The following SNTG1 variants were observed in gnomAD, a reference collection of about 807,000 sequenced individuals.
SNTG1 encodes the protein gamma-1-syntrophin.
In SNTG1, 39 loss-of-function variants were observed where a neutral mutation model predicts 74.7. The ratio of observed to expected loss-of-function variants is 0.52; its 90% CI spans 0.40 to 0.68. The LOEUF (loss-of-function observed/expected upper bound fraction) is 0.68. SNTG1 is among the 30% of genes least tolerant of loss of function. SNTG1 has a pLI of 0.00. For missense variants in SNTG1, 685 were observed against 609.5 expected (o/e 1.12, Z -1.30); for synonymous variants, 254 against 217.1 (o/e 1.17, Z -1.49).
At chr8:50,053,659 A>G (rs868721436) in intron 1 of SNTG1, among the ~76,000 whole-genome samples, 18 of 37,968 alleles carry the variant, frequency 4.7e-4, no homozygotes, top group Middle Eastern at 8.2e-3. Context: ...GTGTGTGTGT[A>G]TAATCCAGGA....
At chr8:50,203,606 A>T (rs1450128) in intron 2 of SNTG1, among the ~76,000 whole-genome samples, 20,205 of 151,998 alleles carry the variant, frequency 0.13, 4,393 homozygotes, top group African/African-American at 0.46. Context: ...CAGAAAACCA[A>T]GCGAAAAAAA....
At chr8:50,676,650 C>T (rs1255873086) in intron 15 of SNTG1, among the ~76,000 whole-genome samples, 4 of 151,810 alleles carry the variant, frequency 2.6e-5, no homozygotes, top group African/African-American at 9.7e-5. Context: ...TATTATCTTT[C>T]TCACACTATT....
At chr8:50,290,466 C>A (rs7015073) in intron 2 of SNTG1, among the ~76,000 whole-genome samples, 89,997 of 151,988 alleles carry the variant, frequency 0.59, 29,314 homozygotes, top group East Asian at 0.85. Context: ...AGGCCTTTGC[C>A]GGGAAACATC....
intron 2 of SNTG1, among the ~76,000 whole-genome samples, chr8:50,377,903 G>A (rs1246090586): frequency 6.6e-6 from 1 of 152,188 alleles, no homozygotes; most frequent in African/African-American, 2.4e-5. Context: ...AGGTATAACT[G>A]GTCAAAACTG....
At chr8:50,060,809 G>A (rs1296351328) in intron 1 of SNTG1, among the ~76,000 whole-genome samples, 1 of 151,874 alleles carries the variant, frequency 6.6e-6, no homozygotes, top group Non-Finnish European at 1.5e-5. Flanking sequence ...TTTTATGTCA[G>A]TTTATCTGAT....
chr8:49,930,222 G>A lies in SNTG1; in HGVS notation c.-103+17991G>A, dbSNP rs575560184. On this transcript the variant is annotated intron_variant, in intron 1 of 18. Transcript: ENST00000642720. ...TAAAACATAACAAGAGATAGTATGA[G>A]AAAGACAATACATAAAATAGAAAAC... Among the ~76,000 whole-genome samples, 9 of 150,440 alleles carry A rather than the reference G, an allele frequency of 6.0e-5. No individual in the cohort carries two copies. The South Asian group carries it at 1.9e-3, about 32-fold the overall frequency.
intron 1 of SNTG1, among the ~76,000 whole-genome samples, chr8:49,928,671 A>G (rs1807274471): frequency 6.6e-6 from 1 of 152,166 alleles, no homozygotes; most frequent in South Asian, 2.1e-4. Flanking sequence ...GTCAATGTAA[A>G]ACTGCTTTAA....
intron 2 of SNTG1, among the ~76,000 whole-genome samples, chr8:50,277,304 A>T (rs1428226117): frequency 1.3e-5 from 2 of 151,882 alleles, no homozygotes; most frequent in African/African-American, 4.8e-5. Context: ...CTTTCACAGA[A>T]CATCTAAACT....
chr8:49,949,002 G>A (rs1018464688), intron 1 of SNTG1, among the ~76,000 whole-genome samples: 1 of 152,166 alleles, frequency 6.6e-6, no homozygotes, highest in Non-Finnish European at 1.5e-5. Flanking sequence ...GAGGTGCACC[G>A]ATCCTCACCC....
chr8:49,952,702 A>T (rs1809831027), intron 1 of SNTG1, among the ~76,000 whole-genome samples: 1 of 152,246 alleles, frequency 6.6e-6, no homozygotes, highest in Admixed American at 6.5e-5. Context: ...ACACCAGTGG[A>T]CTAGGCCACA....
Position 50,536,794 on chromosome 8 carries a change from C to A in SNTG1, c.666C>A (p.Gly222=), listed in dbSNP as rs1367811615. The A allele has an allele frequency of 6.2e-7, 1 of 1,613,834 alleles. No individual in the cohort carries two copies. The highest frequency in any genetic ancestry group is 8.5e-7 in the Non-Finnish European group (1 of 1,179,824). ...LHSRFSQYVP[G]TDLSRQNAFQ... ...CGCGCTTCTCTCAGTATGTGCCCGG[C>A]ACAGATTTGAGTCGGTGAGTCCGTG... is the stretch of plus-strand genomic sequence containing the variant. Residue 222 remains glycine, a synonymous_variant, in exon 11 of 19, where the codon GGC becomes GGA. Transcript: ENST00000642720.
chr8:50,320,029 T>TAAG (rs2090464624), intron 2 of SNTG1, among the ~76,000 whole-genome samples: 1 of 152,202 alleles, frequency 6.6e-6, no homozygotes, highest in Non-Finnish European at 1.5e-5. Context: ...ACCTGTAGAA[T>TAAG]AAGTTTGGAA....
At chr8:49,947,934 C>A (rs926524221) in intron 1 of SNTG1, among the ~76,000 whole-genome samples, 1 of 152,062 alleles carries the variant, frequency 6.6e-6, no homozygotes, top group African/African-American at 2.4e-5. Flanking sequence ...AGTTCGAGAA[C>A]AGCCTGGCCA....
chr8:50,351,096 G>A (rs552664417), intron 2 of SNTG1, among the ~76,000 whole-genome samples: 2 of 152,286 alleles, frequency 1.3e-5, no homozygotes, highest in East Asian at 1.9e-4. Flanking sequence ...CACCAATTCC[G>A]GACACACCCT....
intron 12 of SNTG1, among the ~76,000 whole-genome samples, chr8:50,583,565 A>G (rs1163692636): frequency 6.6e-6 from 1 of 152,100 alleles, no homozygotes; most frequent in Non-Finnish European, 1.5e-5. Context: ...GATATTCACA[A>G]TACATTTTAC....
At chr8:50,423,833 G>A (rs1381182792) in intron 4 of SNTG1, among the ~76,000 whole-genome samples, 1 of 152,142 alleles carries the variant, frequency 6.6e-6, no homozygotes, top group Non-Finnish European at 1.5e-5. Context: ...TAACTGACTA[G>A]TAGTTAGAGA....
At chr8:50,079,952 C>T (rs1822254627) in intron 1 of SNTG1, among the ~76,000 whole-genome samples, 1 of 152,076 alleles carries the variant, frequency 6.6e-6, no homozygotes, top group Admixed American at 6.6e-5. Context: ...TTACTGTAGC[C>T]TTGTAGTATA....
chr8:50,043,540 G>T lies in SNTG1; in HGVS notation c.-102-129021G>T, dbSNP rs115892359. On this transcript the variant is annotated intron_variant, in intron 1 of 18. Coordinates refer to ENST00000642720, the MANE Select transcript of SNTG1 (RefSeq NM_018967.5). ...GAAGGGGATGTCTTTGCACAGAGTT[G>T]CAGGAGTAAACTGTGAGTTCCTTCA... 3.2e-3 allele frequency among the ~76,000 whole-genome samples: 483 copies of T among 152,284 alleles called. 4 individuals are homozygous for T. The highest frequency in any genetic ancestry group is 0.011 in the African/African-American group (461 of 41,554).
At chr8:50,550,693 G>GTATA (rs368844404) in intron 11 of SNTG1, among the ~76,000 whole-genome samples, 27 of 149,092 alleles carry the variant, frequency 1.8e-4, no homozygotes, top group South Asian at 2.1e-4. Flanking sequence ...TAGTGTGTGT[G>GTATA]TATATATATA....
Sources: gnomAD v4.1 joint callset for allele counts (sites outside exome capture counted in the v4.1 genomes callset) on GRCh38, gnomAD v4.1.1 for gene constraint, MANE v1.5 for transcripts, NCBI Gene and HGNC (gene_info 2026-07-23, HGNC 2026-07-21) for gene names.